Variants in GRIN2B observed in about 807,000 individuals in gnomAD.
The protein encoded by GRIN2B is glutamate receptor ionotropic, NMDA 2B.
In GRIN2B, 5 loss-of-function variants were observed where a neutral mutation model predicts 114.5. The observed-to-expected ratio is 0.04, with a 90% CI of 0.02 to 0.09. The LOEUF (loss-of-function observed/expected upper bound fraction) is 0.09. Ranked by LOEUF, GRIN2B falls within the 10% of genes least tolerant of loss-of-function variation. The pLI is 1.00. For missense variants in GRIN2B, 1,108 were observed against 1,943.5 expected (o/e 0.57, Z 8.08); for synonymous variants, 787 against 745.1 (o/e 1.06, Z -0.92).
chr12:13,592,312 C>T (rs1351019686), intron 10 of GRIN2B, among the ~76,000 whole-genome samples: 1 of 152,168 alleles, frequency 6.6e-6, no homozygotes, highest in East Asian at 1.9e-4. Context: ...TGGCTAACCA[C>T]AAACATCCTG....
intron 3 of GRIN2B, among the ~76,000 whole-genome samples, chr12:13,861,566 T>G (rs1162628273): frequency 6.6e-6 from 1 of 152,230 alleles, no homozygotes; most frequent in Admixed American, 6.5e-5. Context: ...TCTCCATTAC[T>G]ATTCGAAACA....
At chr12:13,750,986 T>C (rs1196238393) in intron 4 of GRIN2B, among the ~76,000 whole-genome samples, 1 of 152,100 alleles carries the variant, frequency 6.6e-6, no homozygotes, top group Non-Finnish European at 1.5e-5. Flanking sequence ...CCAGCAGAAG[T>C]AATGCCAAGA....
At position 13,775,189 on chromosome 12, in the gene GRIN2B, G is replaced by T. The variant is rs539624468; in HGVS notation, c.412-21274C>A. Among the ~76,000 whole-genome samples, 7 of 152,276 alleles carry T rather than the reference G, an allele frequency of 4.6e-5. No individual in the cohort carries two copies. In the South Asian group the frequency reaches 1.2e-3, roughly 27 times the overall value. On this transcript the variant is annotated intron_variant, in intron 3 of 13. Transcript: ENST00000609686. ...ATAAACACCAAACACTGGGTTAAAG[G>T]CTGAGGATGGAGACAAGAGCCTCCT...
At chr12:13,729,479 C>T (rs1234481485) in intron 4 of GRIN2B, among the ~76,000 whole-genome samples, 2 of 151,968 alleles carry the variant, frequency 1.3e-5, no homozygotes, top group Non-Finnish European at 1.5e-5. Context: ...GTAGCCTGTT[C>T]ATGGAGAGAC....
At chr12:13,928,785 C>T (rs1866965563) in intron 2 of GRIN2B, among the ~76,000 whole-genome samples, 1 of 152,132 alleles carries the variant, frequency 6.6e-6, no homozygotes, top group Non-Finnish European at 1.5e-5. Context: ...GTAAGGCAAA[C>T]ATGGTTTAAG....
At chr12:13,881,085 C>T (rs1210901565) in intron 2 of GRIN2B, among the ~76,000 whole-genome samples, 1 of 152,132 alleles carries the variant, frequency 6.6e-6, no homozygotes, top group Non-Finnish European at 1.5e-5. Flanking sequence ...AAAAAGATAA[C>T]TTTATTTCTA....
At chr12:13,749,116 G>C (rs1380133721) in intron 4 of GRIN2B, among the ~76,000 whole-genome samples, 2 of 152,224 alleles carry the variant, frequency 1.3e-5, no homozygotes, top group African/African-American at 4.8e-5. Flanking sequence ...ATGTTCATTT[G>C]ATAGTGAATT....
intron 10 of GRIN2B, among the ~76,000 whole-genome samples, chr12:13,576,609 C>T (rs3903080): frequency 0.041 from 6,158 of 151,258 alleles, 405 homozygotes; most frequent in African/African-American, 0.14. Flanking sequence ...TGCAGTGTTG[C>T]GATCTTGGCT....
chr12:13,697,309 A>G (rs1315235118), intron 4 of GRIN2B, among the ~76,000 whole-genome samples: 5 of 152,196 alleles, frequency 3.3e-5, no homozygotes, highest in Non-Finnish European at 7.4e-5. Context: ...AAATGTGATT[A>G]GAAAAAAAAA....
chr12:13,562,699 C>A lies in GRIN2B; in HGVS notation c.*84G>T, dbSNP rs900906898. On this transcript the variant is annotated 3_prime_UTR_variant, in exon 14 of 14. Coordinates refer to ENST00000609686, the MANE Select transcript of GRIN2B (RefSeq NM_000834.5). Reference sequence around the variant, plus strand: ...AAGGAGCAAATGGGAACCAAGTTCACCCCCGTCACCCTCCGTGACATGCGC... The same window carrying A: ...AAGGAGCAAATGGGAACCAAGTTCAACCCCGTCACCCTCCGTGACATGCGC... The A allele has an allele frequency of 4.9e-5, 56 of 1,135,558 alleles. No individual in the cohort carries two copies. The highest frequency in any genetic ancestry group is 5.4e-6 in the Non-Finnish European group (4 of 746,400). The allele number at this position is 1,135,558 out of a possible 1,614,324, so 70.3% of individuals were successfully genotyped here.
chr12:13,909,480 C>T (rs11055682), intron 2 of GRIN2B, among the ~76,000 whole-genome samples: 60,975 of 152,078 alleles, frequency 0.4, 13,496 homozygotes, highest in East Asian at 0.63. Flanking sequence ...ATAATGAGCA[C>T]TGTTCTTAAA....
intron 5 of GRIN2B, among the ~76,000 whole-genome samples, chr12:13,652,371 C>T (rs1949822936): frequency 6.6e-6 from 1 of 151,822 alleles, no homozygotes; most frequent in Admixed American, 6.6e-5. Context: ...TTGGAAACAC[C>T]TAATCTGTTT....
chr12:13,561,354 CCCATTT>C lies in GRIN2B; in HGVS notation c.*1423_*1428del, dbSNP rs1192656564. 6.6e-6 allele frequency: 1 copy of C among 152,374 alleles called. No homozygotes were observed. The highest frequency in any genetic ancestry group is 1.5e-5 in the Non-Finnish European group (1 of 68,100). 9.4% of individuals were successfully genotyped at this position (152,374 alleles called of 1,614,324 possible). A position where few individuals can be genotyped will look rare whatever the true frequency, so the allele number is the denominator to read the frequency against. On this transcript the variant is annotated 3_prime_UTR_variant, in exon 14 of 14. Transcript: ENST00000609686. ...GGAGGGTCCCTCTCTGCCCCCGTCT[CCCATTT>C]CCAAGTCTCTTCCCCTCTTTTCGTA...
intron 4 of GRIN2B, among the ~76,000 whole-genome samples, chr12:13,714,544 G>C (rs1287392292): frequency 2.0e-5 from 3 of 151,794 alleles, no homozygotes; most frequent in African/African-American, 7.3e-5. Flanking sequence ...CCATCCCACA[G>C]AGTCTTGCTG....
intron 2 of GRIN2B, among the ~76,000 whole-genome samples, chr12:13,979,368 G>T (rs1863088685): frequency 6.6e-6 from 1 of 151,814 alleles, no homozygotes; most frequent in African/African-American, 2.4e-5. Context: ...TGGGCCCCTT[G>T]TCAACCCTTT....
chr12:13,886,678 C>T (rs1295206505), intron 2 of GRIN2B, among the ~76,000 whole-genome samples: 1 of 152,108 alleles, frequency 6.6e-6, no homozygotes, highest in East Asian at 1.9e-4. Flanking sequence ...GCAGCCTGCC[C>T]AATACTCACC....
At chr12:13,737,216 T>C (rs912941870) in intron 4 of GRIN2B, among the ~76,000 whole-genome samples, 5 of 151,868 alleles carry the variant, frequency 3.3e-5, no homozygotes, top group African/African-American at 1.2e-4. Context: ...ATATCTTTTT[T>C]TTTTCTTTTT....
At chr12:13,825,574 T>C (rs1460217328) in intron 3 of GRIN2B, among the ~76,000 whole-genome samples, 1 of 147,274 alleles carries the variant, frequency 6.8e-6, no homozygotes, top group Non-Finnish European at 1.5e-5. Context: ...TAGAGTGCAA[T>C]GGCCCGATGT....
intron 2 of GRIN2B, among the ~76,000 whole-genome samples, chr12:13,960,365 T>C (rs989826586): frequency 1.3e-5 from 2 of 152,140 alleles, no homozygotes; most frequent in African/African-American, 4.8e-5. Context: ...AAACCAAGAC[T>C]CAGGAGTGAT....
Sources: allele counts gnomAD v4.1 joint callset (sites outside exome capture counted in the v4.1 genomes callset), GRCh38; gene constraint gnomAD v4.1.1; transcripts MANE v1.5; gene names NCBI Gene and HGNC (gene_info 2026-07-23, HGNC 2026-07-21).